PBX1: variants seen among roughly 807,000 people sequenced by gnomAD.
PBX1 encodes the protein pre-B-cell leukemia transcription factor 1.
Under a neutral mutation model 53.4 loss-of-function variants are expected in PBX1, and 6 were observed. The ratio of observed to expected loss-of-function variants is 0.11; its 90% confidence interval spans 0.06 to 0.22. PBX1 has a LOEUF of 0.22. Among genes scored for constraint, PBX1 ranks in the 10% least tolerant of loss-of-function variants. The pLI, the probability that PBX1 is intolerant of heterozygous loss-of-function variation, is 1.00. For synonymous variants in PBX1, 204 were observed against 212.3 expected (o/e 0.96, Z 0.34); for missense variants, 251 against 551.4 (o/e 0.46, Z 5.46).
At chr1:164,779,902 C>A (rs767879405) in intron 2 of PBX1, among the ~76,000 whole-genome samples, 10 of 152,182 alleles carry the variant, frequency 6.6e-5, no homozygotes, top group Non-Finnish European at 1.2e-4. Context: ...AAGCCAGACA[C>A]CTCTTCAGAG....
At chr1:164,624,649 C>A (rs1657919069) in intron 2 of PBX1, among the ~76,000 whole-genome samples, 1 of 152,142 alleles carries the variant, frequency 6.6e-6, no homozygotes, top group African/African-American at 2.4e-5. Context: ...TACTAAAATT[C>A]TTTGAATGTA....
intron 2 of PBX1, among the ~76,000 whole-genome samples, chr1:164,709,739 C>T (rs546152836): frequency 6.6e-6 from 1 of 152,184 alleles, no homozygotes; most frequent in African/African-American, 2.4e-5. Flanking sequence ...AAAAATGTGC[C>T]TCAGGCTCCT....
At chr1:164,801,121 A>C (rs1269516648) in intron 4 of PBX1, among the ~76,000 whole-genome samples, 3 of 152,144 alleles carry the variant, frequency 2.0e-5, no homozygotes, top group African/African-American at 7.2e-5. Context: ...CGGCTAGCAA[A>C]ATGTAACTCT....
At chr1:164,617,237 C>G (rs531956404) in intron 2 of PBX1, among the ~76,000 whole-genome samples, 2 of 152,322 alleles carry the variant, frequency 1.3e-5, no homozygotes, top group East Asian at 3.9e-4. Flanking sequence ...CCATTTGAGT[C>G]TGTTAGCTGG....
At chr1:164,632,143 T>A (rs1040554301) in intron 2 of PBX1, among the ~76,000 whole-genome samples, 1 of 152,204 alleles carries the variant, frequency 6.6e-6, no homozygotes, top group Admixed American at 6.5e-5. Flanking sequence ...GTTATTGTTA[T>A]CGCCATGATT....
chr1:164,706,257 G>A (rs1663422793), intron 2 of PBX1, among the ~76,000 whole-genome samples: 1 of 152,162 alleles, frequency 6.6e-6, no homozygotes, highest in East Asian at 1.9e-4. Flanking sequence ...TGTAGGCAGG[G>A]CAGAGGTTTC....
intron 2 of PBX1, among the ~76,000 whole-genome samples, chr1:164,571,698 A>C (rs1653865425): frequency 6.7e-6 from 1 of 149,802 alleles, no homozygotes; most frequent in South Asian, 2.1e-4. Context: ...ACAGGTTTTT[A>C]TGTATGAATA....
chr1:164,779,769 A>G (rs12137953), intron 2 of PBX1, among the ~76,000 whole-genome samples: 1,759 of 152,304 alleles, frequency 0.012, 18 homozygotes, highest in Non-Finnish European at 0.016. Flanking sequence ...GTGGGGTTCA[A>G]TGAAGTGCCA....
In PBX1 at chr1:164,862,375, C is replaced by G. The variant is rs1392308698; in HGVS notation, n.257+30892C>G. 3.3e-5 allele frequency among the ~76,000 whole-genome samples: 5 copies of G among 152,312 alleles called. No individual in the cohort carries two copies. In the South Asian group the frequency reaches 1.0e-3, roughly 32 times the overall value. On this transcript the variant is annotated intron_variant and non_coding_transcript_variant, in intron 2 of 2. Transcript: ENST00000558796. ...CAAGGATTATTGCTTCCACAGCACC[C>G]TATTTATCCCTCTCTTGTAGCACTC...
At chr1:164,691,781 C>A (rs1662504027) in intron 2 of PBX1, among the ~76,000 whole-genome samples, 1 of 152,106 alleles carries the variant, frequency 6.6e-6, no homozygotes, top group East Asian at 1.9e-4. Context: ...TTCCACAGAT[C>A]CCCAATCTGG....
At chr1:164,756,554 A>C (rs1666536498) in intron 2 of PBX1, among the ~76,000 whole-genome samples, 1 of 152,212 alleles carries the variant, frequency 6.6e-6, no homozygotes, top group South Asian at 2.1e-4. Flanking sequence ...CTAACATTGC[A>C]TATGTAGTCA....
intron 3 of PBX1, among the ~76,000 whole-genome samples, chr1:164,793,863 T>TTTTTCC (rs142630209): frequency 0.16 from 20,456 of 127,890 alleles, 2,355 homozygotes; most frequent in African/African-American, 0.22. Context: ...TTTCTTTTTT[T>TTTTTCC]TTTCCTTTCT....
At chr1:164,738,677 C>A (rs982769722) in intron 2 of PBX1, among the ~76,000 whole-genome samples, 1 of 152,160 alleles carries the variant, frequency 6.6e-6, no homozygotes, top group African/African-American at 2.4e-5. Flanking sequence ...CCATACAGGA[C>A]AAATTAAATG....
chr1:164,626,101 G>A (rs1170807586), intron 2 of PBX1: 2 of 1,027,114 alleles, frequency 1.9e-6, no homozygotes, highest in East Asian at 6.1e-5. Context: ...GCAAAGGTGA[G>A]TGTTCGATAT....
At chr1:164,688,804 A>G (rs766388557) in intron 2 of PBX1, among the ~76,000 whole-genome samples, 15 of 152,236 alleles carry the variant, frequency 9.9e-5, no homozygotes, top group Non-Finnish European at 2.1e-4. Flanking sequence ...AAAAAATAGG[A>G]TCTGATTTCC....
At chr1:164,832,536 A>T (rs546067226) in intron 8 of PBX1, among the ~76,000 whole-genome samples, 22 of 152,296 alleles carry the variant, frequency 1.4e-4, no homozygotes, top group African/African-American at 4.6e-4. Flanking sequence ...AGAAGGCAAG[A>T]CTGTTCTAGA....
At chr1:164,808,253 T>C (rs1456268274) in intron 5 of PBX1, among the ~76,000 whole-genome samples, 1 of 152,162 alleles carries the variant, frequency 6.6e-6, no homozygotes, top group Non-Finnish European at 1.5e-5. Context: ...GCAATAACCA[T>C]AACAGGTGGT....
chr1:164,569,413 T>A lies in PBX1; in HGVS notation c.265+6102T>A, dbSNP rs540031035. ...GAGTAAACAGTCAATAGCTGCTAGC[T>A]GTTATTATTTCTGGACTTGTTTTCT... On this transcript the variant is annotated intron_variant, in intron 2 of 8. Transcript: ENST00000420696. Among the ~76,000 whole-genome samples the A allele has an allele frequency of 4.6e-5, 7 of 152,262 alleles. No individual in the cohort carries two copies. The East Asian group carries it at 1.4e-3, about 29-fold the overall frequency.
chr1:164,761,569 C>T (rs1052076123), intron 2 of PBX1, among the ~76,000 whole-genome samples: 9 of 152,048 alleles, frequency 5.9e-5, no homozygotes, highest in Non-Finnish European at 8.8e-5. Flanking sequence ...CTCAGCCTCC[C>T]GTGTAGCTGG....
Sources: gnomAD v4.1 joint callset for allele counts (sites outside exome capture counted in the v4.1 genomes callset) on GRCh38, gnomAD v4.1.1 for gene constraint, MANE v1.5 for transcripts, NCBI Gene and HGNC (gene_info 2026-07-23, HGNC 2026-07-21) for gene names.